The following NF1 variants were observed in gnomAD, a reference collection of about 807,000 sequenced individuals.
NF1 encodes neurofibromin.
In NF1, 122 loss-of-function variants were observed where a neutral mutation model predicts 325.7. The observed-to-expected ratio is 0.37, with a 90% CI of 0.32 to 0.44. NF1 has a LOEUF of 0.44. Among genes scored for constraint, NF1 ranks in the 20% least tolerant of loss-of-function variants. NF1 has a pLI of 1.00. For synonymous variants in NF1, 1,091 were observed against 1,186.0 expected, an observed-to-expected ratio of 0.92 and a Z score of 1.65; for missense variants, 2,140 against 3,415.4, an observed-to-expected ratio of 0.63 and a Z score of 9.31.
intron 1 of NF1, among the ~76,000 whole-genome samples, chr17:31,117,672 CA>C (rs780828438): frequency 0.07 from 1,368 of 19,546 alleles, 1 homozygote; most frequent in African/African-American, 0.1. Context: ...AACTCCATCT[CA>C]AAAAAAAAAA....
intron 36 of NF1, among the ~76,000 whole-genome samples, chr17:31,267,528 A>G (rs1477012150): frequency 2.0e-5 from 3 of 152,152 alleles, no homozygotes; most frequent in Admixed American, 6.5e-5. Context: ...AGATGAGTAC[A>G]CAGTATATCA....
chr17:31,283,515 G>A (rs573308149), intron 36 of NF1, among the ~76,000 whole-genome samples: 5 of 151,914 alleles, frequency 3.3e-5, no homozygotes, highest in South Asian at 2.1e-4. Context: ...GTGCAGTGAC[G>A]CAGTCACAGC....
intron 48 of NF1, 146 bp from the exon 49 acceptor site, chr17:31,348,974 A>G (rs1243315449): frequency 3.2e-6 from 3 of 937,208 alleles, no homozygotes; most frequent in Non-Finnish European, 4.8e-6. Flanking sequence ...TGCATGTTTT[A>G]CCTTCCCAAA....
intron 12 of NF1, among the ~76,000 whole-genome samples, chr17:31,208,665 C>T (rs948607164): frequency 3.3e-5 from 5 of 152,194 alleles, no homozygotes; most frequent in East Asian, 3.9e-4. Context: ...CCAAGGTGTG[C>T]GGATCACCTG....
At chr17:31,343,716 G>A (rs750652333) in intron 48 of NF1, among the ~76,000 whole-genome samples, 12 of 152,080 alleles carry the variant, frequency 7.9e-5, no homozygotes, top group Admixed American at 1.3e-4. Flanking sequence ...AGCACTCTGG[G>A]AGGCCAAAGC....
intron 48 of NF1, among the ~76,000 whole-genome samples, chr17:31,346,604 C>T (rs1465134981): frequency 6.6e-6 from 1 of 151,194 alleles, no homozygotes; most frequent in Non-Finnish European, 1.5e-5. Context: ...GAGAATGAAT[C>T]CTGAGGGCTC....
At chr17:31,280,342 G>A (rs1340974391) in intron 36 of NF1, among the ~76,000 whole-genome samples, 4 of 151,256 alleles carry the variant, frequency 2.6e-5, no homozygotes, top group East Asian at 1.9e-4. Flanking sequence ...GTGAAAACCC[G>A]TCTCTACTAA....
At chr17:31,311,435 A>C (rs1413368209) in intron 36 of NF1, among the ~76,000 whole-genome samples, 2 of 152,212 alleles carry the variant, frequency 1.3e-5, no homozygotes, top group South Asian at 4.1e-4. Flanking sequence ...TTGATATAAT[A>C]AAAGTTGTGA....
intron 52 of NF1, 75 bp from the exon 53 acceptor site, chr17:31,356,885 A>G (rs2070283369): frequency 6.3e-7 from 1 of 1,581,646 alleles, no homozygotes; most frequent in Non-Finnish European, 8.7e-7. Context: ...GTTGAATTTT[A>G]GAAGTAACAT....
chr17:31,256,369 C>T (rs1460241900), intron 31 of NF1, among the ~76,000 whole-genome samples: 1 of 152,148 alleles, frequency 6.6e-6, no homozygotes, highest in African/African-American at 2.4e-5. Flanking sequence ...GAACTCCTAG[C>T]CTCAAGTGAT....
intron 50 of NF1, among the ~76,000 whole-genome samples, chr17:31,351,004 ATTTCC>A (rs1387252550): frequency 6.6e-6 from 1 of 152,168 alleles, no homozygotes; most frequent in Non-Finnish European, 1.5e-5. Context: ...GACTTCAACA[ATTTCC>A]TTAAGATTCT....
intron 1 of NF1, among the ~76,000 whole-genome samples, chr17:31,112,204 C>T (rs531549171): frequency 1.3e-5 from 2 of 152,216 alleles, no homozygotes; most frequent in East Asian, 1.9e-4. Context: ...TAACTGAAGA[C>T]AACTCAAATT....
chr17:31,327,976 C>G, intron 38 of NF1, 137 bp downstream of exon 38: 1 of 818,880 alleles, frequency 1.2e-6, no homozygotes, highest in Non-Finnish European at 2.0e-6. Context: ...ACCACTGTGA[C>G]CTCATCAAGT....
intron 8 of NF1, among the ~76,000 whole-genome samples, chr17:31,194,793 CT>C (rs1228303469): frequency 6.6e-6 from 1 of 152,070 alleles, no homozygotes; most frequent in East Asian, 1.9e-4. Flanking sequence ...GAAATCTTTA[CT>C]TTTAGTATGT....
At chr17:31,149,263 C>T (rs1597617792) in intron 1 of NF1, among the ~76,000 whole-genome samples, 1 of 151,550 alleles carries the variant, frequency 6.6e-6, no homozygotes, top group East Asian at 1.9e-4. Context: ...TAAATATATA[C>T]ACTTATATAC....
At chr17:31,251,805 G>A (rs186859357) in intron 30 of NF1, 1 of 208,074 alleles carries the variant, frequency 4.8e-6, no homozygotes, top group African/African-American at 2.3e-5. Flanking sequence ...CCAATGCCTA[G>A]AATGGTATTT....
chr17:31,146,565 C>T (rs1397370008), intron 1 of NF1, among the ~76,000 whole-genome samples: 1 of 152,182 alleles, frequency 6.6e-6, no homozygotes, highest in Non-Finnish European at 1.5e-5. Context: ...AGAGGAGAAT[C>T]TCTGTGTTTT....
intron 29 of NF1, among the ~76,000 whole-genome samples, chr17:31,236,882 T>G (rs1238846292): frequency 6.6e-6 from 1 of 152,208 alleles, no homozygotes; most frequent in Non-Finnish European, 1.5e-5. Context: ...ATTTATGAGT[T>G]TCTCTCTCCT....
chr17:31,330,931 G>A (rs564550853), intron 39 of NF1: 130 of 165,910 alleles, frequency 7.8e-4, no homozygotes, highest in African/African-American at 2.7e-3. Flanking sequence ...TACAGTTCAC[G>A]GAGAGCACAG....
Sources: allele counts gnomAD v4.1 joint callset (sites outside exome capture counted in the v4.1 genomes callset), GRCh38; gene constraint gnomAD v4.1.1; transcripts MANE v1.5; gene names NCBI Gene and HGNC (gene_info 2026-07-23, HGNC 2026-07-21).